Variants in TRABD2B observed in about 807,000 individuals in gnomAD.
TRABD2B encodes metalloprotease TIKI2.
A neutral mutation model predicts 40.1 loss-of-function variants in TRABD2B; 14 were observed. The ratio of observed to expected loss-of-function variants is 0.35; its 90% CI spans 0.23 to 0.55. TRABD2B has a LOEUF of 0.55. Ranked by LOEUF, TRABD2B falls within the 20% of genes least tolerant of loss-of-function variation. The probability of loss-of-function intolerance (pLI) is 0.90; values close to 1 mark genes in which losing one functional copy is unlikely to be tolerated. For synonymous variants in TRABD2B, 263 were observed against 277.0 expected (o/e 0.95, Z 0.50); for missense variants, 541 against 648.6 (o/e 0.83, Z 1.80).
intron 2 of TRABD2B, among the ~76,000 whole-genome samples, chr1:47,872,422 A>G (rs574792574): frequency 4.3e-4 from 65 of 152,238 alleles, no homozygotes; most frequent in African/African-American, 1.5e-3. Flanking sequence ...GGAGGAATGG[A>G]TGGATGGATG....
chr1:47,822,885 T>A (rs1033532325), intron 2 of TRABD2B, among the ~76,000 whole-genome samples: 2 of 152,196 alleles, frequency 1.3e-5, no homozygotes, highest in African/African-American at 4.8e-5. Context: ...AGGCTGTGGT[T>A]CCATCCAGCA....
intron 2 of TRABD2B, among the ~76,000 whole-genome samples, chr1:47,918,056 A>T (rs1454537607): frequency 1.3e-5 from 2 of 152,226 alleles, no homozygotes; most frequent in African/African-American, 4.8e-5. Context: ...TGCTACCTGG[A>T]TTTAGAAAAG....
intron 2 of TRABD2B, among the ~76,000 whole-genome samples, chr1:47,831,311 G>T (rs760308177): frequency 3.3e-5 from 5 of 152,176 alleles, no homozygotes; most frequent in Non-Finnish European, 5.9e-5. Context: ...ATGCAAGACT[G>T]CATGGAGTTT....
intron 3 of TRABD2B, among the ~76,000 whole-genome samples, chr1:47,797,844 G>T (rs1457483039): frequency 6.6e-6 from 1 of 152,182 alleles, no homozygotes; most frequent in East Asian, 1.9e-4. Context: ...GACATGTGAG[G>T]TCTCCAGGGA....
chr1:47,974,740 T>A (rs1247271432), intron 2 of TRABD2B, among the ~76,000 whole-genome samples: 2 of 152,186 alleles, frequency 1.3e-5, no homozygotes, highest in Non-Finnish European at 2.9e-5. Flanking sequence ...CTTTCCAATG[T>A]GTGCAGTATG....
chr1:47,889,607 T>C (rs1644418293), intron 2 of TRABD2B, among the ~76,000 whole-genome samples: 1 of 152,202 alleles, frequency 6.6e-6, no homozygotes, highest in South Asian at 2.1e-4. Context: ...ATAAGACCCA[T>C]ACAGGGTTAT....
At position 47,997,114 on chromosome 1, in the gene TRABD2B, C is replaced by T. The variant is rs1222070094; in HGVS notation, c.-325G>A. The T allele has an allele frequency of 1.0e-6, 1 of 983,048 alleles. No homozygotes were observed. 60.9% of individuals were successfully genotyped at this position (983,048 alleles called of 1,614,324 possible). On this transcript the variant is annotated 5_prime_UTR_variant, in exon 1 of 7. Coordinates refer to ENST00000606738, the MANE Select transcript of TRABD2B (RefSeq NM_001194986.2). ...CCGGAGCTGCGTCGCGGTCCAGGGG[C>T]GCGCGGGGTTCCTGGGGCAGAACCG... is the stretch of plus-strand genomic sequence containing the variant.
intron 2 of TRABD2B, among the ~76,000 whole-genome samples, chr1:47,890,707 C>T (rs1644433036): frequency 6.6e-6 from 1 of 152,188 alleles, no homozygotes; most frequent in South Asian, 2.1e-4. Flanking sequence ...ATCTCCTGAG[C>T]AAAGTTAGGT....
chr1:47,943,739 C>T (rs1349023424), intron 2 of TRABD2B, among the ~76,000 whole-genome samples: 7 of 146,826 alleles, frequency 4.8e-5, no homozygotes, highest in East Asian at 2.1e-4. Flanking sequence ...TCCAACTATA[C>T]GTGAGATGCA....
At chr1:47,867,989 A>G (rs1010080990) in intron 2 of TRABD2B, among the ~76,000 whole-genome samples, 1 of 152,158 alleles carries the variant, frequency 6.6e-6, no homozygotes, top group Non-Finnish European at 1.5e-5. Flanking sequence ...CAGGAAGAGG[A>G]GATCCATTTG....
At chr1:47,825,605 G>A (rs1290393995) in intron 2 of TRABD2B, among the ~76,000 whole-genome samples, 1 of 152,238 alleles carries the variant, frequency 6.6e-6, no homozygotes, top group African/African-American at 2.4e-5. Context: ...CAGCATCCTT[G>A]GCACAGTTCC....
Position 47,883,287 on chromosome 1 carries a change from A to C in TRABD2B, c.667-81668T>G, listed in dbSNP as rs371463997. 3.3e-5 allele frequency among the ~76,000 whole-genome samples: 5 copies of C among 152,302 alleles called. 1 individual carries two copies. The highest frequency in any genetic ancestry group is 1.2e-4 in the African/African-American group (5 of 41,558). ...GCTTCTCCCAGAGCCCTTGGTCTTG[A>C]CATTGTCTCAAAATTGAGTTCTCTA... On this transcript the variant is annotated intron_variant, in intron 2 of 6. Coordinates refer to ENST00000606738, the MANE Select transcript of TRABD2B (RefSeq NM_001194986.2).
Position 47,775,378 on chromosome 1 carries a change from T to A in TRABD2B, c.1141A>T (p.Thr381Ser). ...GCTTCGGGGACAGCGGCAGCTGGGG[T>A]CACTGGGGCCGGGCTCGTCGAGGTC... The part of the protein sequence containing the change: ...EGTSTSPAPV[T>S]PAAAVPEAPS... The change falls in exon 6 of 7, where the codon ACC becomes TCC. Residue 381 changes from threonine to serine, a missense_variant. This residue lies in a region of TRABD2B where 172 missense variants were observed against 155.8 expected (regional missense o/e 1.10). Transcript: ENST00000606738. 4 of 1,237,284 alleles carry A rather than the reference T, an allele frequency of 3.2e-6. No homozygotes were observed. Among genetic ancestry groups the A allele is most frequent in the Middle Eastern group, 2.2e-4 (1 of 4,454 alleles). 76.6% of individuals were successfully genotyped at this position (1,237,284 alleles called of 1,614,324 possible). A position where few individuals can be genotyped will look rare whatever the true frequency, so the allele number is the denominator to read the frequency against.
chr1:47,904,258 A>G (rs1165938154), intron 2 of TRABD2B, among the ~76,000 whole-genome samples: 1 of 152,188 alleles, frequency 6.6e-6, no homozygotes, highest in Non-Finnish European at 1.5e-5. Context: ...CTTGGAGGCC[A>G]TTAAAAGAGA....
chr1:47,824,347 G>A (rs532336744), intron 2 of TRABD2B, among the ~76,000 whole-genome samples: 14 of 152,200 alleles, frequency 9.2e-5, no homozygotes, highest in African/African-American at 3.1e-4. Context: ...AGTTACCAGC[G>A]CCCCCTCAAC....
intron 1 of TRABD2B, among the ~76,000 whole-genome samples, chr1:47,995,513 T>A (rs1557703209): frequency 6.6e-6 from 1 of 151,912 alleles, no homozygotes; most frequent in Admixed American, 6.6e-5. Flanking sequence ...TGTGTGTGTG[T>A]GTGTGTGCGC....
chr1:47,987,209 T>A (rs920376413), intron 2 of TRABD2B, among the ~76,000 whole-genome samples: 5 of 152,070 alleles, frequency 3.3e-5, no homozygotes, highest in Admixed American at 6.5e-5. Context: ...TGGGGGAAGA[T>A]CAGACAATAT....
At chr1:47,988,477 A>T (rs979273920) in intron 2 of TRABD2B, among the ~76,000 whole-genome samples, 58 of 152,212 alleles carry the variant, frequency 3.8e-4, no homozygotes, top group African/African-American at 1.2e-3. Flanking sequence ...ACAGAGGGAG[A>T]AGAGTCACAA....
intron 2 of TRABD2B, among the ~76,000 whole-genome samples, chr1:47,815,266 C>T (rs1229590019): frequency 6.6e-6 from 1 of 152,248 alleles, no homozygotes; most frequent in Non-Finnish European, 1.5e-5. Flanking sequence ...TCTGCTTACA[C>T]TGCAGATGGG....
Sources: allele counts gnomAD v4.1 joint callset (sites outside exome capture counted in the v4.1 genomes callset), GRCh38; gene constraint gnomAD v4.1.1; regional missense constraint gnomAD v4.1.1; transcripts MANE v1.5; gene names NCBI Gene and HGNC (gene_info 2026-07-23, HGNC 2026-07-21).